The following MIS18A variants were observed in gnomAD, a reference collection of about 807,000 sequenced individuals.
MIS18A encodes protein Mis18-alpha.
In MIS18A, 14 loss-of-function variants were observed where a neutral mutation model predicts 25.0. That is an observed-to-expected ratio of 0.56 (90% CI 0.37 to 0.88). The LOEUF (loss-of-function observed/expected upper bound fraction) is 0.88. MIS18A is among the 40% of genes least tolerant of loss of function. The pLI, the probability that MIS18A is intolerant of heterozygous loss-of-function variation, is 0.00. For synonymous variants in MIS18A, 134 were observed against 118.6 expected, an observed-to-expected ratio of 1.13 and a Z score of -0.84; for missense variants, 292 against 290.8, an observed-to-expected ratio of 1.00 and a Z score of -0.03.
the MIS18A span, among the ~76,000 whole-genome samples, chr21:32,214,716 G>A: frequency 6.6e-6 from 1 of 152,190 alleles, no homozygotes; most frequent in African/African-American, 2.4e-5. Flanking sequence ...AGAAATAACA[G>A]CAATGACAAT....
the MIS18A span, among the ~76,000 whole-genome samples, chr21:32,247,409 G>A: frequency 1.3e-5 from 2 of 152,212 alleles, no homozygotes; most frequent in Admixed American, 6.5e-5. Flanking sequence ...AATTTGAAGA[G>A]AGCCTGCCAT....
At chr21:32,194,954 C>T in the MIS18A span, among the ~76,000 whole-genome samples, 3 of 152,120 alleles carry the variant, frequency 2.0e-5, no homozygotes, top group Non-Finnish European at 4.4e-5. Flanking sequence ...GTACCGTGTT[C>T]GGGTGATCCT....
At chr21:32,231,995 A>G in the MIS18A span, among the ~76,000 whole-genome samples, 1 of 152,208 alleles carries the variant, frequency 6.6e-6, no homozygotes, top group Admixed American at 6.5e-5. Flanking sequence ...AAGGAAATGA[A>G]ATCAGCATCT....
At chr21:32,164,748 A>G in the MIS18A span, among the ~76,000 whole-genome samples, 1 of 152,070 alleles carries the variant, frequency 6.6e-6, no homozygotes, top group Non-Finnish European at 1.5e-5. Flanking sequence ...ACAAAATTAT[A>G]GAGACATCCA....
the MIS18A span, among the ~76,000 whole-genome samples, chr21:32,240,624 C>T: frequency 1.3e-5 from 2 of 152,180 alleles, no homozygotes; most frequent in African/African-American, 4.8e-5. Flanking sequence ...TAATAGCACA[C>T]AAAAATGTTG....
At chr21:32,159,376 T>G in the MIS18A span, among the ~76,000 whole-genome samples, 2 of 152,260 alleles carry the variant, frequency 1.3e-5, no homozygotes, top group African/African-American at 4.8e-5. Context: ...ATAAAACTTA[T>G]GGTTAGTTTT....
the MIS18A span, among the ~76,000 whole-genome samples, chr21:32,203,862 G>A: frequency 6.6e-6 from 1 of 152,034 alleles, no homozygotes; most frequent in South Asian, 2.1e-4. Flanking sequence ...CAAGTAATCT[G>A]CTGACCTCAG....
At chr21:32,207,049 A>T in the MIS18A span, among the ~76,000 whole-genome samples, 33 of 152,228 alleles carry the variant, frequency 2.2e-4, no homozygotes, top group Non-Finnish European at 5.9e-5. Flanking sequence ...AATAAGGGGC[A>T]TCTGATTGAT....
At chr21:32,265,118 T>A (rs899651493), downstream of MIS18A, among the ~76,000 whole-genome samples, 1 of 152,078 alleles carries the variant, frequency 6.6e-6, no homozygotes, top group Non-Finnish European at 1.5e-5. Flanking sequence ...CTGGGTCCCG[T>A]GTGGTTTGGC....
chr21:32,205,305 C>T, the MIS18A span, among the ~76,000 whole-genome samples: 1 of 151,744 alleles, frequency 6.6e-6, no homozygotes, highest in Non-Finnish European at 1.5e-5. Context: ...GGGGTTTCAC[C>T]GTGTTAGCCA....
the MIS18A span, among the ~76,000 whole-genome samples, chr21:32,193,189 G>A: frequency 6.6e-6 from 1 of 152,118 alleles, no homozygotes; most frequent in Non-Finnish European, 1.5e-5. Flanking sequence ...AAGAGGTGAG[G>A]GCATGAGGAG....
chr21:32,254,592 C>T, the MIS18A span, among the ~76,000 whole-genome samples: 1 of 151,742 alleles, frequency 6.6e-6, no homozygotes, highest in African/African-American at 2.4e-5. Context: ...TTTACCATAT[C>T]TAATCCTTTC....
chr21:32,263,994 CCTGT>C (rs755029823), downstream of MIS18A, among the ~76,000 whole-genome samples: 3 of 151,934 alleles, frequency 2.0e-5, no homozygotes, highest in Non-Finnish European at 2.9e-5. Context: ...TCTTTCATGC[CCTGT>C]CTTTTATTTG....
At chr21:32,197,565 A>G in the MIS18A span, among the ~76,000 whole-genome samples, 1 of 152,252 alleles carries the variant, frequency 6.6e-6, no homozygotes, top group South Asian at 2.1e-4. Context: ...GAAACTGAAT[A>G]TTTTGAGCAA....
the MIS18A span, among the ~76,000 whole-genome samples, chr21:32,199,408 A>C: frequency 6.6e-6 from 1 of 152,146 alleles, no homozygotes; most frequent in Admixed American, 6.5e-5. Flanking sequence ...GAAAAAAATC[A>C]TAAAATATTT....
the MIS18A span, among the ~76,000 whole-genome samples, chr21:32,197,080 G>A: frequency 6.6e-6 from 1 of 152,116 alleles, no homozygotes; most frequent in African/African-American, 2.4e-5. Flanking sequence ...CCTATTGTAC[G>A]AAATGAACTG....
At chr21:32,190,376 A>G in the MIS18A span, among the ~76,000 whole-genome samples, 1 of 152,164 alleles carries the variant, frequency 6.6e-6, no homozygotes, top group Non-Finnish European at 1.5e-5. Flanking sequence ...GATGGTTCCA[A>G]ACCTTTGTCT....
chr21:32,271,065 G>C (rs1288832815), intron 2 of MIS18A, among the ~76,000 whole-genome samples: 1 of 152,186 alleles, frequency 6.6e-6, no homozygotes, highest in Non-Finnish European at 1.5e-5. Flanking sequence ...GACAACCCAT[G>C]TAATTGTTTC....
the MIS18A span, among the ~76,000 whole-genome samples, chr21:32,212,020 T>G: frequency 6.6e-6 from 1 of 152,258 alleles, no homozygotes; most frequent in African/African-American, 2.4e-5. Flanking sequence ...AAGAAGTTTT[T>G]GGTATGACAG....
Sources: allele counts gnomAD v4.1 joint callset (sites outside exome capture counted in the v4.1 genomes callset), GRCh38; gene constraint gnomAD v4.1.1; transcripts MANE v1.5; gene names NCBI Gene and HGNC (gene_info 2026-07-23, HGNC 2026-07-21).